COL6A5: variants seen among roughly 807,000 people sequenced by gnomAD.
COL6A5 encodes the protein collagen type VI alpha 5 chain, also known as collagen alpha-5(VI) chain.
In COL6A5, 48 loss-of-function variants were observed where a neutral mutation model predicts 65.6. The observed-to-expected ratio is 0.73, with a 90% CI of 0.58 to 0.93. COL6A5 has a LOEUF of 0.93. COL6A5 is among the 40% of genes least tolerant of loss of function. The pLI, the probability that COL6A5 is intolerant of heterozygous loss-of-function variation, is 0.00. For missense variants in COL6A5, 914 were observed against 928.3 expected (o/e 0.98, Z 0.20); for synonymous variants, 291 against 322.8 (o/e 0.90, Z 1.05).
At chr3:130,454,654 T>C (rs970985144) in intron 4 of COL6A5, among the ~76,000 whole-genome samples, 2 of 152,192 alleles carry the variant, frequency 1.3e-5, no homozygotes, top group African/African-American at 4.8e-5. Context: ...CAGAGAACTC[T>C]TAAACTGCTA....
chr3:130,422,048 A>G (rs551235998), intron 27 of COL6A5, among the ~76,000 whole-genome samples: 3 of 152,248 alleles, frequency 2.0e-5, no homozygotes, highest in South Asian at 4.1e-4. Context: ...AATACAAAAT[A>G]TGGGTTAAAA....
At position 130,418,888 on chromosome 3, in the gene COL6A5, G is replaced by A. The variant is rs1256105113; in HGVS notation, c.4907G>A (p.Gly1636Glu). The stretch of plus-strand genomic sequence containing the variant: ...TACTAGGGAGAGCCTGGACTTCCTG[G>A]AGATCTAGGGCCAGTGGGGCAAACT... The change falls in exon 25 of 42, where the codon GGA becomes GAA. Residue 1636 changes from glycine (G) to glutamate (E), a missense_variant and NMD_transcript_variant. By Grantham distance (98) the Gly-to-Glu change is moderately conservative. Transcript: ENST00000312481. 3 of 1,550,786 alleles carry A rather than the reference G, an allele frequency of 1.9e-6. No individual in the cohort carries two copies. In the South Asian group the frequency reaches 3.6e-5, roughly 18 times the overall value.
chr3:130,455,345 C>T (rs1709546184), intron 4 of COL6A5, 110 bp from the exon 37 acceptor site: 1 of 629,052 alleles, frequency 1.6e-6, no homozygotes. Context: ...ATTTTCACCA[C>T]CCAATTGGTT....
intron 1 of COL6A5, among the ~76,000 whole-genome samples, chr3:130,349,277 AGTTTCAGAAAGGCACC>A (rs1274053321): frequency 2.0e-5 from 3 of 152,234 alleles, no homozygotes; most frequent in East Asian, 3.8e-4. Context: ...ATGGAATTAG[AGTTTCAGAAAGGCACC>A]GTAGTGCAAT....
chr3:130,376,594 C>CT (rs769647962), exon 3 of COL6A5: 1 of 1,608,396 alleles, frequency 6.2e-7, no homozygotes, highest in Non-Finnish European at 8.5e-7. Flanking sequence ...GTGGTCCTGG[C>CT]TTCGGCTGAG....
chr3:130,423,945 T>A, intron 29 of COL6A5, 45 bp downstream of exon 29: 1 of 1,415,006 alleles, frequency 7.1e-7, no homozygotes. Context: ...TAGTTTCCAG[T>A]ATGTTCCATG....
intron 17 of COL6A5, among the ~76,000 whole-genome samples, chr3:130,408,749 TCTTTCC>T: frequency 6.6e-6 from 1 of 152,276 alleles, no homozygotes; most frequent in African/African-American, 2.4e-5. Context: ...TCTTTTGTAC[TCTTTCC>T]CTTTATTTCT....
Position 130,390,737 on chromosome 3 carries a change from A to G in COL6A5, c.2417-442A>G, listed in dbSNP as rs571918763. On this transcript the variant is annotated intron_variant and NMD_transcript_variant, in intron 6 of 41. Transcript: ENST00000312481. The stretch of plus-strand genomic sequence containing the variant: ...TACCTGGAGCCAGAGGGAGTAGGGT[A>G]AAACTACCAACTTATACAGTGAGCT... Among the ~76,000 whole-genome samples the G allele has an allele frequency of 5.6e-4, 86 of 152,346 alleles. 1 individual carries two copies. Among genetic ancestry groups the G allele is most frequent in the African/African-American group, 2.0e-3 (83 of 41,596 alleles).
At position 130,380,514 on chromosome 3, in the gene COL6A5, T is replaced by G. The variant is rs570555741; in HGVS notation, c.1300+464T>G. On this transcript the variant is annotated intron_variant and NMD_transcript_variant, in intron 4 of 41. Transcript: ENST00000312481. ...GCACACATAGACAAATACACAGTTT[T>G]TAAAAATGATACCACATTGTATGTA... Among the ~76,000 whole-genome samples, 9 of 152,216 alleles carry G rather than the reference T, an allele frequency of 5.9e-5. No individual in the cohort carries two copies. The South Asian group carries it at 1.9e-3, about 32-fold the overall frequency.
chr3:130,411,394 T>C (rs545156837), intron 20 of COL6A5, among the ~76,000 whole-genome samples: 1 of 152,186 alleles, frequency 6.6e-6, no homozygotes, highest in African/African-American at 2.4e-5. Flanking sequence ...TAGTACAAAT[T>C]TGGAATCTTA....
At chr3:130,430,137 C>G (rs535100337), upstream of COL6A5, among the ~76,000 whole-genome samples, 1 of 152,312 alleles carries the variant, frequency 6.6e-6, no homozygotes, top group East Asian at 1.9e-4. Flanking sequence ...CTCCTGGTCT[C>G]CTAGAGGCCT....
At chr3:130,420,683 T>A (rs1168798929) in intron 25 of COL6A5, among the ~76,000 whole-genome samples, 2 of 152,280 alleles carry the variant, frequency 1.3e-5, no homozygotes, top group East Asian at 3.9e-4. Context: ...TTTTAGGGCA[T>A]CCACAACAAC....
At position 130,406,029 on chromosome 3, in the gene COL6A5, T is replaced by A; in HGVS notation, c.4380+10T>A. On this transcript the variant is annotated intron_variant and NMD_transcript_variant, in intron 15 of 41. Transcript: ENST00000312481. ...ATTTTCTGGACCTAAGGTACTGGAG[T>A]TTTTTCTTAGTTTAATTTGATTTCC... is the stretch of plus-strand genomic sequence containing the variant. The A allele has an allele frequency of 1.3e-6, 2 of 1,551,060 alleles. No homozygotes were observed. The highest frequency in any genetic ancestry group is 1.7e-6 in the Non-Finnish European group (2 of 1,146,674).
At chr3:130,403,918 G>A (rs1936900521) in intron 13 of COL6A5, among the ~76,000 whole-genome samples, 1 of 152,160 alleles carries the variant, frequency 6.6e-6, no homozygotes, top group African/African-American at 2.4e-5. Flanking sequence ...TGATGAGGCA[G>A]TTACTAAGTC....
intron 29 of COL6A5, among the ~76,000 whole-genome samples, chr3:130,425,157 G>C (rs1937580283): frequency 6.6e-6 from 1 of 152,098 alleles, no homozygotes; most frequent in African/African-American, 2.4e-5. Context: ...TGTTTTCGTG[G>C]ATGCATAATT....
intron 25 of COL6A5, among the ~76,000 whole-genome samples, chr3:130,420,502 C>A (rs1937494420): frequency 6.6e-6 from 1 of 152,094 alleles, no homozygotes; most frequent in African/African-American, 2.4e-5. Context: ...ATGTACCTAA[C>A]TAAAATTTTG....
chr3:130,376,293 G>T, exon 3 of COL6A5: 1 of 1,613,204 alleles, frequency 6.2e-7, no homozygotes, highest in East Asian at 2.2e-5. Context: ...CGATCACCTG[G>T]GACCTAAGTC....
intron 1 of COL6A5, among the ~76,000 whole-genome samples, chr3:130,348,457 T>C (rs892604544): frequency 2.0e-5 from 3 of 152,304 alleles, no homozygotes; most frequent in Non-Finnish European, 2.9e-5. Flanking sequence ...ATAAACTCAT[T>C]CTTTTTTATG....
At chr3:130,429,506 G>A (rs1937704898), upstream of COL6A5, 13 of 1,401,600 alleles carry the variant, frequency 9.3e-6, no homozygotes, top group South Asian at 1.8e-4. Flanking sequence ...TTAAAATGTT[G>A]TTTTTTGAAC....
Sources: allele counts gnomAD v4.1 joint callset (sites outside exome capture counted in the v4.1 genomes callset), GRCh38; gene constraint gnomAD v4.1.1; transcripts MANE v1.5; gene names NCBI Gene and HGNC (gene_info 2026-07-23, HGNC 2026-07-21).